The following ITGA4 variants were observed in gnomAD, a reference collection of about 807,000 sequenced individuals.
ITGA4 encodes integrin subunit alpha 4.
In ITGA4, 63 loss-of-function variants were observed where a neutral mutation model predicts 133.6. The observed-to-expected ratio is 0.47, with a 90% CI of 0.38 to 0.58. ITGA4 has a LOEUF of 0.58. Ranked by LOEUF, ITGA4 falls within the 20% of genes least tolerant of loss-of-function variation. The pLI, the probability that ITGA4 is intolerant of heterozygous loss-of-function variation, is 0.00. For synonymous variants in ITGA4, 483 were observed against 438.0 expected (o/e 1.10, Z -1.28); for missense variants, 1,076 against 1,252.7 (o/e 0.86, Z 2.13).
rs948513997 is a variant in ITGA4 at position 181,516,260 on chromosome 2, C to G, written c.1922+4485C>G. ...GATGTAAGCTTTCCCTGAACAATTGCTTCTGTATCTGCTAGGAATACTTTT... is the reference window on the plus strand; with the variant it reads ...GATGTAAGCTTTCCCTGAACAATTGGTTCTGTATCTGCTAGGAATACTTTT... On this transcript the variant is annotated intron_variant, in intron 17 of 27. Transcript: ENST00000397033. This position sits in a 1 kb window ranked among gnomAD's most constrained non-coding sequence, Gnocchi z 4.0. 1.3e-5 allele frequency among the ~76,000 whole-genome samples: 2 copies of G among 152,046 alleles called. No individual in the cohort carries two copies. The highest frequency in any genetic ancestry group is 2.9e-5 in the Non-Finnish European group (2 of 67,988).
chr2:181,512,881 ATGT>A (rs1686532846), intron 17 of ITGA4, among the ~76,000 whole-genome samples: 1 of 152,072 alleles, frequency 6.6e-6, no homozygotes, highest in East Asian at 1.9e-4. Context: ...TATTTATCAA[ATGT>A]TGTTATTTGT....
chr2:181,474,775 A>G (rs1255448508), intron 2 of ITGA4, among the ~76,000 whole-genome samples, 185 bp from the exon 3 acceptor site: 1 of 152,214 alleles, frequency 6.6e-6, no homozygotes, highest in African/African-American at 2.4e-5. Context: ...TTCTACAACC[A>G]AAGTCACCTT....
At chr2:181,510,282 A>G (rs1686482233) in intron 16 of ITGA4, among the ~76,000 whole-genome samples, 1 of 152,098 alleles carries the variant, frequency 6.6e-6, no homozygotes, top group African/African-American at 2.4e-5. Context: ...GTTATACAAT[A>G]ATTTCTTTTT....
intron 2 of ITGA4, 155 bp downstream of exon 2, chr2:181,458,472 A>G: frequency 1.3e-6 from 1 of 773,900 alleles, no homozygotes; most frequent in Non-Finnish European, 2.1e-6. Context: ...TTGCCTCCTT[A>G]ATATAAAAGG....
chr2:181,530,850 C>T (rs936507679), intron 24 of ITGA4, among the ~76,000 whole-genome samples: 5 of 152,026 alleles, frequency 3.3e-5, no homozygotes, highest in Admixed American at 6.5e-5. Context: ...ACATGTTGGC[C>T]GGGTGTGATG....
In ITGA4 at chr2:181,534,330, C is replaced by T; in HGVS notation, c.2843C>T (p.Pro948Leu). 6.2e-7 allele frequency: 1 copy of T among 1,609,876 alleles called. No individual in the cohort carries two copies. The highest frequency in any genetic ancestry group is 1.7e-5 in the Admixed American group (1 of 59,964). Residue 948 changes from proline (P) to leucine (L), a missense_variant, in exon 26 of 28, where the codon CCA becomes CTA. Pro to Leu is a moderately conservative substitution (Grantham distance 98). Around this residue, in one of 4 missense-constraint regions of ITGA4, gnomAD observed 193 missense variants for 172.3 expected, o/e 1.12. Transcript: ENST00000397033. ...GCAACAGGTTTTCCAGAGCCAAATC[C>T]AAGAGTAATTGAACTAAACAAGGAT... ...IRATGFPEPN[P>L]RVIELNKDEN...
chr2:181,519,219 C>T (rs1686669901), intron 17 of ITGA4, among the ~76,000 whole-genome samples: 1 of 151,986 alleles, frequency 6.6e-6, no homozygotes, highest in African/African-American at 2.4e-5. Context: ...AGAACAGATA[C>T]TCAAAGATTA....
intron 4 of ITGA4, among the ~76,000 whole-genome samples, chr2:181,478,206 G>T (rs1685723824): frequency 1.3e-5 from 2 of 149,320 alleles, no homozygotes; most frequent in South Asian, 4.1e-4. Context: ...GCAGAGAGAG[G>T]GTTAGGAATA....
rs1686131685 is a variant in ITGA4 at position 181,495,112 on chromosome 2, A to T, written c.1340-259A>T. Among the ~76,000 whole-genome samples the T allele has an allele frequency of 6.6e-6, 1 of 152,230 alleles. No individual in the cohort carries two copies. The highest frequency in any genetic ancestry group is 1.5e-5 in the Non-Finnish European group (1 of 68,036). ...TAGAAAAATTTGAGTGAATGTTTCT[A>T]GTCCAAAAATTGAATTTTGTTTTAG... On this transcript the variant is annotated intron_variant, in intron 12 of 27. Coordinates refer to ENST00000397033, the MANE Select transcript of ITGA4 (RefSeq NM_000885.6). The surrounding 1 kb of genome is among the most constrained non-coding windows in gnomAD (Gnocchi z 4.3).
chr2:181,459,544 T>G (rs904836161), intron 2 of ITGA4, among the ~76,000 whole-genome samples: 7 of 152,242 alleles, frequency 4.6e-5, no homozygotes, highest in Non-Finnish European at 1.5e-5. Flanking sequence ...TTTTTACTTT[T>G]AACTCAGAGC....
chr2:181,478,924 A>G (rs1685741612), intron 5 of ITGA4, 100 bp downstream of exon 5: 1 of 549,106 alleles, frequency 1.8e-6, no homozygotes, highest in Non-Finnish European at 3.0e-6. Context: ...AAAATTGTGT[A>G]ACATCTTCAT....
At chr2:181,518,675 C>T (rs187302637) in intron 17 of ITGA4, among the ~76,000 whole-genome samples, 1 of 152,128 alleles carries the variant, frequency 6.6e-6, no homozygotes, top group East Asian at 1.9e-4. Context: ...CACTGCAGTG[C>T]AAAAGCATGT....
intron 17 of ITGA4, among the ~76,000 whole-genome samples, chr2:181,519,764 C>T (rs920266495): frequency 3.3e-5 from 5 of 152,040 alleles, no homozygotes; most frequent in African/African-American, 9.7e-5. Flanking sequence ...CTTAGTGAGA[C>T]ATTTGGAATT....
chr2:181,468,328 A>T (rs991711451), intron 2 of ITGA4, among the ~76,000 whole-genome samples: 1 of 152,114 alleles, frequency 6.6e-6, no homozygotes, highest in African/African-American at 2.4e-5. Context: ...AAGAGAAAAG[A>T]CCTCTCCAAA....
Position 181,537,796 on chromosome 2 carries a change from T to G in ITGA4, c.*2269T>G, listed in dbSNP as rs1369574632. ...CAGAATTTGAATTGATATTTCATCT[T>G]GACTTTTAAAGCCCTAGAGGCTAAT... is the stretch of plus-strand genomic sequence containing the variant. On this transcript the variant is annotated 3_prime_UTR_variant, in exon 28 of 28. Transcript: ENST00000397033. 1 of 462,132 alleles carries G rather than the reference T, an allele frequency of 2.2e-6. No homozygotes were observed. Among genetic ancestry groups the G allele is most frequent in the Non-Finnish European group, 4.3e-6 (1 of 233,854 alleles). 28.6% of individuals were successfully genotyped at this position (462,132 alleles called of 1,614,324 possible).
chr2:181,533,315 T>C (rs941538453), intron 25 of ITGA4, among the ~76,000 whole-genome samples: 5 of 152,206 alleles, frequency 3.3e-5, no homozygotes, highest in Admixed American at 2.6e-4. Context: ...GAAGATACAC[T>C]AGACAGGCAA....
chr2:181,522,991 C>A (rs1686751120), intron 18 of ITGA4, among the ~76,000 whole-genome samples: 1 of 152,082 alleles, frequency 6.6e-6, no homozygotes, highest in Admixed American at 6.5e-5. Context: ...TCTCACATAC[C>A]AGACAGAAGA....
chr2:181,489,852 G>A (rs922897630), intron 10 of ITGA4, among the ~76,000 whole-genome samples: 1 of 152,060 alleles, frequency 6.6e-6, no homozygotes, highest in Non-Finnish European at 1.5e-5. Context: ...GTAGCAGGAC[G>A]AGCCACAGAC....
At chr2:181,535,079 C>A in intron 27 of ITGA4, 144 bp downstream of exon 27, 1 of 869,776 alleles carries the variant, frequency 1.1e-6, no homozygotes, top group Non-Finnish European at 1.6e-6. Flanking sequence ...TCACATTTCT[C>A]TTCAACACCA....
Sources: allele counts gnomAD v4.1 joint callset (sites outside exome capture counted in the v4.1 genomes callset), GRCh38; gene constraint gnomAD v4.1.1; regional missense constraint gnomAD v4.1.1; non-coding constraint Gnocchi (gnomAD v3.1); transcripts MANE v1.5; gene names NCBI Gene and HGNC (gene_info 2026-07-23, HGNC 2026-07-21).